LRRC4C: variants seen among roughly 807,000 people sequenced by gnomAD.
LRRC4C encodes the protein leucine-rich repeat-containing protein 4C.
In LRRC4C, 5 loss-of-function variants were observed where a neutral mutation model predicts 33.6. The ratio of observed to expected loss-of-function variants is 0.15; its 90% CI spans 0.08 to 0.31. The LOEUF (loss-of-function observed/expected upper bound fraction) is 0.31, where lower values mean the gene tolerates loss of function less well. LRRC4C is among the 10% of genes least tolerant of loss of function. The pLI is 1.00. For synonymous variants in LRRC4C, 329 were observed against 302.0 expected, an observed-to-expected ratio of 1.09 and a Z score of -0.93; for missense variants, 560 against 796.7, an observed-to-expected ratio of 0.70 and a Z score of 3.58.
chr11:40,326,087 T>G (rs1946088379), intron 3 of LRRC4C, among the ~76,000 whole-genome samples: 1 of 151,448 alleles, frequency 6.6e-6, no homozygotes, highest in South Asian at 2.1e-4. Flanking sequence ...AAAGGTGGAA[T>G]TTTGTTGCAC....
rs34577485 is a variant in LRRC4C, at chr11:41,184,815, CAA to C, written c.-495-251094_-495-251093del. On this transcript the variant is annotated intron_variant, in intron 1 of 6. Transcript: ENST00000528697. ...TGCATACCTGAGACTGGGCAATTTA[CAA>C]AAAAAAAAAAAAAAAAGGTTTAATG... Among the ~76,000 whole-genome samples the C allele has an allele frequency of 8.1e-3, 910 of 112,458 alleles. 5 individuals are homozygous for C. Among genetic ancestry groups the C allele is most frequent in the South Asian group, 0.045 (161 of 3,544 alleles). The allele number at this position is 112,458 out of a possible 152,430, so 73.8% of individuals were successfully genotyped here.
At chr11:41,426,832 C>T (rs1344450481) in intron 1 of LRRC4C, among the ~76,000 whole-genome samples, 1 of 152,126 alleles carries the variant, frequency 6.6e-6, no homozygotes, top group Non-Finnish European at 1.5e-5. Flanking sequence ...CTCAGCATAG[C>T]TTGTTGACTT....
chr11:40,170,815 G>GA (rs1477748367), intron 5 of LRRC4C, among the ~76,000 whole-genome samples: 1 of 152,192 alleles, frequency 6.6e-6, no homozygotes, highest in Non-Finnish European at 1.5e-5. Context: ...AATAAAGTGA[G>GA]AATATTTCTC....
At chr11:41,318,730 G>T (rs1166781454) in intron 1 of LRRC4C, among the ~76,000 whole-genome samples, 8 of 151,752 alleles carry the variant, frequency 5.3e-5, no homozygotes. Flanking sequence ...TGTGTTTGTG[G>T]TTATATATTT....
chr11:41,350,996 G>A (rs1173037816), intron 1 of LRRC4C, among the ~76,000 whole-genome samples: 1 of 152,174 alleles, frequency 6.6e-6, no homozygotes, highest in African/African-American at 2.4e-5. Flanking sequence ...TTGGGAAGCT[G>A]AGGAGGGTGG....
intron 1 of LRRC4C, among the ~76,000 whole-genome samples, chr11:41,311,160 G>T (rs1220024559): frequency 6.6e-6 from 1 of 152,168 alleles, no homozygotes; most frequent in Non-Finnish European, 1.5e-5. Context: ...ATGACAACAG[G>T]CAGTGAAGCT....
chr11:40,279,768 T>A (rs986480711), intron 4 of LRRC4C, among the ~76,000 whole-genome samples: 3 of 152,176 alleles, frequency 2.0e-5, no homozygotes. Flanking sequence ...ATGTCATTCA[T>A]CAACCTTGTG....
intron 4 of LRRC4C, among the ~76,000 whole-genome samples, chr11:40,247,370 A>G (rs917668662): frequency 3.9e-5 from 6 of 152,162 alleles, no homozygotes; most frequent in Admixed American, 6.5e-5. Context: ...GTCTCCCAAC[A>G]CAGGACTGAC....
At chr11:41,128,342 T>A (rs570329298) in intron 1 of LRRC4C, among the ~76,000 whole-genome samples, 1 of 152,256 alleles carries the variant, frequency 6.6e-6, no homozygotes, top group Non-Finnish European at 1.5e-5. Context: ...CTTGGTAATA[T>A]GATGAATAGA....
intron 1 of LRRC4C, among the ~76,000 whole-genome samples, chr11:41,168,422 A>G (rs567925720): frequency 2.0e-5 from 3 of 152,292 alleles, no homozygotes; most frequent in African/African-American, 7.2e-5. Flanking sequence ...TTCCATCTTT[A>G]GGTGATTAAA....
intron 2 of LRRC4C, among the ~76,000 whole-genome samples, chr11:40,790,819 G>T (rs1313054643): frequency 6.6e-6 from 1 of 152,090 alleles, no homozygotes. Context: ...CTCCTGTAAG[G>T]CTTCCAACAC....
chr11:40,300,184 A>T (rs2136658546), intron 4 of LRRC4C, among the ~76,000 whole-genome samples: 1 of 152,276 alleles, frequency 6.6e-6, no homozygotes, highest in Admixed American at 6.5e-5. Flanking sequence ...AGAGTACCAA[A>T]GGGGAGGTGC....
intron 1 of LRRC4C, among the ~76,000 whole-genome samples, chr11:41,346,674 A>G (rs1300639116): frequency 1.3e-5 from 2 of 152,188 alleles, no homozygotes; most frequent in Non-Finnish European, 2.9e-5. Context: ...GCACTCCCCT[A>G]TTAGAATTTC....
intron 3 of LRRC4C, among the ~76,000 whole-genome samples, chr11:40,378,223 G>A (rs1002584909): frequency 6.6e-6 from 1 of 152,028 alleles, no homozygotes; most frequent in African/African-American, 2.4e-5. Context: ...TGAAGAAATT[G>A]ATCTTTGAAT....
At chr11:40,526,459 C>T (rs929889452) in intron 3 of LRRC4C, among the ~76,000 whole-genome samples, 1 of 150,214 alleles carries the variant, frequency 6.7e-6, no homozygotes, top group Non-Finnish European at 1.5e-5. Flanking sequence ...ATCTAAATGG[C>T]CAATAAACAA....
At chr11:41,062,375 T>C (rs1565347358) in intron 1 of LRRC4C, among the ~76,000 whole-genome samples, 1 of 152,200 alleles carries the variant, frequency 6.6e-6, no homozygotes, top group Non-Finnish European at 1.5e-5. Context: ...CAGTTTCCTA[T>C]TGGAGGAAAT....
intron 5 of LRRC4C, among the ~76,000 whole-genome samples, chr11:40,219,404 G>A (rs946200059): frequency 6.6e-6 from 1 of 152,050 alleles, no homozygotes; most frequent in Non-Finnish European, 1.5e-5. Flanking sequence ...TCTACCCTAC[G>A]TTTCTAAGCA....
At chr11:41,348,114 CT>C (rs1951858363) in intron 1 of LRRC4C, among the ~76,000 whole-genome samples, 1 of 152,162 alleles carries the variant, frequency 6.6e-6, no homozygotes, top group Admixed American at 6.5e-5. Flanking sequence ...AATTTCAAGC[CT>C]ATGAGTTGTT....
intron 2 of LRRC4C, among the ~76,000 whole-genome samples, chr11:40,768,271 A>C (rs550061151): frequency 6.6e-6 from 1 of 152,228 alleles, no homozygotes; most frequent in Admixed American, 6.5e-5. Context: ...CCACAAAGAA[A>C]TCTAGAACCT....
Sources: gnomAD v4.1 joint callset for allele counts (sites outside exome capture counted in the v4.1 genomes callset) on GRCh38, gnomAD v4.1.1 for gene constraint, MANE v1.5 for transcripts, NCBI Gene and HGNC (gene_info 2026-07-23, HGNC 2026-07-21) for gene names.